The following COL4A3 variants were observed in gnomAD, a reference collection of about 807,000 sequenced individuals.
COL4A3 encodes collagen type IV alpha 3 chain.
In COL4A3, 135 loss-of-function variants were observed where a neutral mutation model predicts 217.4. That is an observed-to-expected ratio of 0.62 (90% CI 0.54 to 0.72). The LOEUF (loss-of-function observed/expected upper bound fraction) is 0.72. Ranked by LOEUF, COL4A3 falls within the 30% of genes least tolerant of loss-of-function variation. The pLI, the probability that COL4A3 is intolerant of heterozygous loss-of-function variation, is 0.00. For missense variants in COL4A3, 1,868 were observed against 2,119.9 expected (o/e 0.88, Z 2.33); for synonymous variants, 690 against 736.3 (o/e 0.94, Z 1.02).
At chr2:227,257,290 G>A (rs545105740) in intron 17 of COL4A3, among the ~76,000 whole-genome samples, 8 of 152,166 alleles carry the variant, frequency 5.3e-5, no homozygotes, top group Non-Finnish European at 1.2e-4. Flanking sequence ...TGATATTCCT[G>A]TGCCTCTGAC....
Position 227,293,282 on chromosome 2 carries a change from G to A in COL4A3, c.3302G>A (p.Gly1101Glu), listed in dbSNP as rs560592940. The A allele has an allele frequency of 2.5e-6, 4 of 1,613,814 alleles. No homozygotes were observed. The highest frequency in any genetic ancestry group is 3.4e-6 in the Non-Finnish European group (4 of 1,180,014). ...PGHLGPAGPE[G>E]APGSPGSPGL... ...CATTTGGGGCCTGCTGGACCTGAGG[G>A]AGCCCCTGGAAGTCCTGGAAGTCCT... The change falls in exon 38 of 52, where the codon GGA becomes GAA. Residue 1101 changes from glycine to glutamate, a missense_variant. Physicochemically the swap from Gly to Glu is moderately conservative, Grantham distance 98 (BLOSUM62 -2). Transcript: ENST00000396578.
chr2:227,180,235 G>T (rs1553730797), intron 1 of COL4A3, among the ~76,000 whole-genome samples: 1 of 152,160 alleles, frequency 6.6e-6, no homozygotes, highest in Non-Finnish European at 1.5e-5. Flanking sequence ...TAAAAACTGA[G>T]AACAGGGCAG....
At chr2:227,180,912 A>G (rs993470625) in intron 1 of COL4A3, among the ~76,000 whole-genome samples, 1 of 152,194 alleles carries the variant, frequency 6.6e-6, no homozygotes, top group African/African-American at 2.4e-5. Flanking sequence ...TTTTGAAAAT[A>G]TTATTCAGTG....
At position 227,291,420 on chromosome 2, in the gene COL4A3, G is replaced by A. The variant is rs6752647; in HGVS notation, c.3210+534G>A. Among the ~76,000 whole-genome samples, 669 of 151,002 alleles carry A rather than the reference G, an allele frequency of 4.4e-3. 7 individuals are homozygous for A. Among genetic ancestry groups the A allele is most frequent in the African/African-American group, 0.015 (619 of 41,016 alleles). Reference sequence around the variant, plus strand: ...CTACTAAAAATACAAAAAATTAGCCGGGCGTTTTGGCGGGCGCCTGTAGTC... The same window carrying A: ...CTACTAAAAATACAAAAAATTAGCCAGGCGTTTTGGCGGGCGCCTGTAGTC... On this transcript the variant is annotated intron_variant, in intron 37 of 51. Transcript: ENST00000396578.
In COL4A3 at chr2:227,259,944, T is replaced by G. The variant is rs1310250622; in HGVS notation, c.1114+67T>G. 3 of 1,102,772 alleles carry G rather than the reference T, an allele frequency of 2.7e-6. No homozygotes were observed. The African/African-American group carries it at 4.6e-5, about 17-fold the overall frequency. 68.3% of individuals were successfully genotyped at this position (1,102,772 alleles called of 1,614,324 possible). A position where few individuals can be genotyped will look rare whatever the true frequency, so the allele number is the denominator to read the frequency against. On this transcript the variant is annotated intron_variant, in intron 19 of 51. Transcript: ENST00000396578. The stretch of plus-strand genomic sequence containing the variant: ...TCTGGCTTTCTTTCAAGGTAATAAA[T>G]AGCATGTGCTTATGGAATTGACATG...
At chr2:227,255,202 G>T (rs112518904) in intron 15 of COL4A3, among the ~76,000 whole-genome samples, 1 of 152,058 alleles carries the variant, frequency 6.6e-6, no homozygotes, top group East Asian at 1.9e-4. Flanking sequence ...ACTATAATTG[G>T]CCAGGCCAGT....
At chr2:227,202,735 T>TA (rs370401800) in intron 1 of COL4A3, among the ~76,000 whole-genome samples, 741 of 44,558 alleles carry the variant, frequency 0.017, 35 homozygotes, top group African/African-American at 0.038. Context: ...AATCCGTCTC[T>TA]AAAAAAAAAA....
intron 1 of COL4A3, among the ~76,000 whole-genome samples, chr2:227,193,373 T>C (rs2066316462): frequency 6.6e-6 from 1 of 152,190 alleles, no homozygotes; most frequent in South Asian, 2.1e-4. Context: ...GGACTCAAGA[T>C]CACAATGGCA....
At chr2:227,290,952 G>C in intron 37 of COL4A3, 66 bp downstream of exon 37, 2 of 1,543,094 alleles carry the variant, frequency 1.3e-6, no homozygotes, top group Non-Finnish European at 1.8e-6. Context: ...ATATCAACAA[G>C]TACCCAGATT....
At chr2:227,274,047 G>A (rs1243828202) in intron 26 of COL4A3, among the ~76,000 whole-genome samples, 3 of 152,070 alleles carry the variant, frequency 2.0e-5, no homozygotes, top group African/African-American at 7.2e-5. Context: ...GACCAGCCGG[G>A]TCAACATAGC....
chr2:227,302,644 T>C (rs539005338), intron 43 of COL4A3, among the ~76,000 whole-genome samples: 37 of 119,204 alleles, frequency 3.1e-4, no homozygotes, highest in African/African-American at 1.2e-3. Context: ...GCCACTGCAC[T>C]CCAGTCTGGA....
Position 227,276,442 on chromosome 2 carries a change from G to A in COL4A3, c.1985G>A (p.Gly662Glu). ...GTTCCAGGCCCACCAGGACCTCCAG[G>A]GCCCCCTGGCCATCCTGGCCCCCAA... ...TPVPGPPGPP[G>E]PPGHPGPQGP... The change falls in exon 27 of 52, where the codon GGG (glycine) becomes GAG (glutamate). Residue 662 changes from glycine (G) to glutamate (E), a missense_variant. Physicochemically the swap from Gly to Glu is moderately conservative, Grantham distance 98 (BLOSUM62 -2). Transcript: ENST00000396578. 1.2e-6 allele frequency: 2 copies of A among 1,614,120 alleles called. No homozygotes were observed. The highest frequency in any genetic ancestry group is 1.7e-6 in the Non-Finnish European group (2 of 1,180,002).
chr2:227,290,664 A>G, intron 36 of COL4A3, 83 bp from the exon 37 acceptor site: 5 of 1,366,096 alleles, frequency 3.7e-6, no homozygotes, highest in Non-Finnish European at 5.1e-6. Flanking sequence ...TCTTGGGAGA[A>G]AGCTTATGTA....
In COL4A3 at chr2:227,313,608, C is replaced by T. The variant is rs1207239451; in HGVS notation, c.*1738C>T. ...ATTGCTTTGTAAGTGAAAAACATGACCCAGAGGACAGCACAGACTATGGCC... is the reference window on the plus strand; with the variant it reads ...ATTGCTTTGTAAGTGAAAAACATGATCCAGAGGACAGCACAGACTATGGCC... On this transcript the variant is annotated 3_prime_UTR_variant, in exon 52 of 52. Transcript: ENST00000396578. 1.3e-5 allele frequency: 2 copies of T among 152,620 alleles called. No homozygotes were observed. The highest frequency in any genetic ancestry group is 2.9e-5 in the Non-Finnish European group (2 of 68,044). 9.5% of individuals were successfully genotyped at this position (152,620 alleles called of 1,614,324 possible).
In COL4A3 at chr2:227,164,891, C is replaced by T; in HGVS notation, c.87+78C>T. The T allele has an allele frequency of 7.2e-7, 1 of 1,387,560 alleles. No homozygotes were observed. Among genetic ancestry groups the T allele is most frequent in the Non-Finnish European group, 9.3e-7 (1 of 1,074,226 alleles). The allele number at this position is 1,387,560 out of a possible 1,614,324, so 86.0% of individuals were successfully genotyped here. ...CGTCCGGGGGACGCGCTGGCCCCAC[C>T]CGCAGCGGCGCGGTAGTGGAGCGGC... On this transcript the variant is annotated intron_variant, in intron 1 of 51. Coordinates refer to ENST00000396578, the MANE Select transcript of COL4A3 (RefSeq NM_000091.5). The surrounding 1 kb of genome is among the most constrained non-coding windows in gnomAD (Gnocchi z 4.8).
intron 1 of COL4A3, among the ~76,000 whole-genome samples, chr2:227,214,462 A>G (rs890871255): frequency 6.6e-6 from 1 of 152,236 alleles, no homozygotes; most frequent in Non-Finnish European, 1.5e-5. Context: ...TGTATCTTAA[A>G]CATCACAAAT....
At chr2:227,258,323 C>T (rs994320002) in intron 18 of COL4A3, among the ~76,000 whole-genome samples, 10 of 152,142 alleles carry the variant, frequency 6.6e-5, no homozygotes, top group Non-Finnish European at 7.3e-5. Context: ...GAAGGGGTGT[C>T]CTGTTAAAAA....
intron 1 of COL4A3, among the ~76,000 whole-genome samples, chr2:227,229,220 C>G (rs114017832): frequency 0.011 from 1,736 of 152,158 alleles, 23 homozygotes; most frequent in African/African-American, 0.04. Flanking sequence ...ATCCGCACTC[C>G]TGGAAGGCTT....
intron 11 of COL4A3, among the ~76,000 whole-genome samples, chr2:227,252,586 G>GCACACA (rs59472907): frequency 8.2e-5 from 12 of 146,390 alleles, no homozygotes; most frequent in South Asian, 6.5e-4. Flanking sequence ...ACACACAAAT[G>GCACACA]CACACACACA....
Sources: allele counts gnomAD v4.1 joint callset (sites outside exome capture counted in the v4.1 genomes callset), GRCh38; gene constraint gnomAD v4.1.1; non-coding constraint Gnocchi (gnomAD v3.1); transcripts MANE v1.5; gene names NCBI Gene and HGNC (gene_info 2026-07-23, HGNC 2026-07-21).